The following EPM2A variants were observed in gnomAD, a reference collection of about 807,000 sequenced individuals.
EPM2A encodes EPM2A glucan phosphatase, laforin.
Under a neutral mutation model 26.5 loss-of-function variants are expected in EPM2A, and 21 were observed. That is an observed-to-expected ratio of 0.79 (90% CI 0.56 to 1.14). EPM2A has a LOEUF of 1.14. EPM2A is among the 50% of genes most tolerant of loss of function. The pLI, the probability that EPM2A is intolerant of heterozygous loss-of-function variation, is 0.00. For synonymous variants in EPM2A, 217 were observed against 177.6 expected, an observed-to-expected ratio of 1.22 and a Z score of -1.76; for missense variants, 458 against 440.8, an observed-to-expected ratio of 1.04 and a Z score of -0.35.
intron 4 of EPM2A, among the ~76,000 whole-genome samples, chr6:145,468,215 T>G (rs1023687192): frequency 6.6e-6 from 1 of 152,084 alleles, no homozygotes; most frequent in African/African-American, 2.4e-5. Flanking sequence ...GAATTTCCTG[T>G]TACCTGTTTT....
intron 2 of EPM2A, among the ~76,000 whole-genome samples, chr6:145,603,425 C>A (rs1208650083): frequency 6.6e-6 from 1 of 152,138 alleles, no homozygotes; most frequent in Non-Finnish European, 1.5e-5. Flanking sequence ...TTCTTTCTTT[C>A]AAAGCACTCA....
intron 2 of EPM2A, among the ~76,000 whole-genome samples, chr6:145,617,698 G>A (rs1775545677): frequency 2.0e-5 from 3 of 152,160 alleles, no homozygotes; most frequent in East Asian, 3.9e-4. Context: ...CAACACTTTG[G>A]GAGACCAAGG....
chr6:145,505,617 A>G (rs1779961302), intron 2 of EPM2A, among the ~76,000 whole-genome samples: 1 of 152,110 alleles, frequency 6.6e-6, no homozygotes, highest in African/African-American at 2.4e-5. Context: ...ACAAAACAAA[A>G]CAAAAAACCC....
chr6:145,504,242 A>T (rs958216836), intron 2 of EPM2A, among the ~76,000 whole-genome samples: 3 of 119,228 alleles, frequency 2.5e-5, no homozygotes, highest in Non-Finnish European at 3.6e-5. Context: ...AAATTGACAA[A>T]TGGGATCTAA....
At chr6:145,428,949 T>G (rs1489698945) in intron 4 of EPM2A, among the ~76,000 whole-genome samples, 1 of 152,178 alleles carries the variant, frequency 6.6e-6, no homozygotes, top group African/African-American at 2.4e-5. Context: ...AGAGCACCGT[T>G]TCTTTAAAAC....
At chr6:145,489,141 G>A (rs1338804665) in intron 4 of EPM2A, among the ~76,000 whole-genome samples, 1 of 152,122 alleles carries the variant, frequency 6.6e-6, no homozygotes. Flanking sequence ...AACAACATTT[G>A]TTCCAACGAA....
chr6:145,424,787 GCAT>G (rs2114686599), intron 4 of EPM2A, among the ~76,000 whole-genome samples: 1 of 152,218 alleles, frequency 6.6e-6, no homozygotes, highest in African/African-American at 2.4e-5. Context: ...CAGAGAAAAG[GCAT>G]CATCTGTGCA....
intron 1 of EPM2A, among the ~76,000 whole-genome samples, chr6:145,730,417 C>G (rs1583142711): frequency 6.6e-6 from 1 of 152,222 alleles, no homozygotes; most frequent in Admixed American, 6.5e-5. Context: ...AACAGAGCTG[C>G]AGCAGCCATC....
chr6:145,589,821 G>C (rs957796985), intron 2 of EPM2A, among the ~76,000 whole-genome samples: 3 of 150,048 alleles, frequency 2.0e-5, no homozygotes. Context: ...CCAAAGTTCT[G>C]AAGCATTAAG....
intron 1 of EPM2A, among the ~76,000 whole-genome samples, chr6:145,697,288 AAAAGGGGAGGG>A (rs1368063988): frequency 6.6e-6 from 1 of 152,076 alleles, no homozygotes; most frequent in African/African-American, 2.4e-5. Flanking sequence ...AGTGATTTTC[AAAAGGGGAGGG>A]AGTGTACCAA....
At chr6:145,472,189 A>G (rs1779482432) in intron 4 of EPM2A, among the ~76,000 whole-genome samples, 1 of 151,678 alleles carries the variant, frequency 6.6e-6, no homozygotes, top group African/African-American at 2.4e-5. Flanking sequence ...CCTTGAAGGA[A>G]AAGACCCAGT....
Position 145,683,268 on chromosome 6 carries a change from GGTGTGT to G in EPM2A, c.476+2848_476+2853del, listed in dbSNP as rs35326843. ...TGAAAAATAAAGATTCCCAGGATTT[GGTGTGT>G]GTGTGTGTGTGTGTGTGTGTGTGTG... On this transcript the variant is annotated intron_variant, in intron 2 of 3. Transcript: ENST00000367519. Among the ~76,000 whole-genome samples the G allele has an allele frequency of 2.2e-3, 291 of 134,006 alleles. 3 individuals are homozygous for G. Among genetic ancestry groups the G allele is most frequent in the South Asian group, 4.3e-3 (18 of 4,174 alleles). The allele number at this position is 134,006 out of a possible 152,430, so 87.9% of individuals were successfully genotyped here. A position where few individuals can be genotyped will look rare whatever the true frequency, so the allele number is the denominator to read the frequency against.
intron 1 of EPM2A, among the ~76,000 whole-genome samples, chr6:145,718,795 C>T (rs1304939391): frequency 6.6e-6 from 1 of 152,128 alleles, no homozygotes. Context: ...ACAACCCCAT[C>T]AAAACAAGTG....
chr6:145,588,505 A>C (rs899953709), intron 2 of EPM2A, among the ~76,000 whole-genome samples: 2 of 152,228 alleles, frequency 1.3e-5, no homozygotes, highest in African/African-American at 4.8e-5. Context: ...GGTAATTGAA[A>C]TTTGGGAAAA....
At chr6:145,547,965 C>T in intron 2 of EPM2A, among the ~76,000 whole-genome samples, 1 of 151,978 alleles carries the variant, frequency 6.6e-6, no homozygotes, top group Admixed American at 6.6e-5. Flanking sequence ...AGTAACGACC[C>T]CAAAACTAAT....
intron 2 of EPM2A, among the ~76,000 whole-genome samples, chr6:145,641,772 C>G (rs910278873): frequency 2.6e-5 from 4 of 152,128 alleles, no homozygotes; most frequent in African/African-American, 9.7e-5. Flanking sequence ...TTCCATCTAT[C>G]ACCTGCGCAC....
chr6:145,633,192 C>A (rs1489858178), intron 3 of EPM2A, among the ~76,000 whole-genome samples: 1 of 152,160 alleles, frequency 6.6e-6, no homozygotes, highest in Non-Finnish European at 1.5e-5. Context: ...ATGCGTGGCA[C>A]AGTTGGCAGC....
intron 4 of EPM2A, among the ~76,000 whole-genome samples, chr6:145,483,982 G>A (rs1475634764): frequency 1.3e-5 from 2 of 152,214 alleles, no homozygotes; most frequent in South Asian, 2.1e-4. Context: ...TCTTTCTAAT[G>A]AGCAGGCTAT....
intron 2 of EPM2A, among the ~76,000 whole-genome samples, chr6:145,618,415 T>C (rs574371492): frequency 6.6e-6 from 1 of 152,350 alleles, no homozygotes; most frequent in African/African-American, 2.4e-5. Flanking sequence ...ATGTCTGATA[T>C]GGTTTGGTTG....
Sources: allele counts gnomAD v4.1 joint callset (sites outside exome capture counted in the v4.1 genomes callset), GRCh38; gene constraint gnomAD v4.1.1; transcripts MANE v1.5; gene names NCBI Gene and HGNC (gene_info 2026-07-23, HGNC 2026-07-21).